CTCFL: variants seen among roughly 807,000 people sequenced by gnomAD.
The protein encoded by CTCFL is CCCTC-binding factor like.
CTCFL carries 36 observed loss-of-function variants against 67.4 expected under a neutral mutation model. The ratio of observed to expected loss-of-function variants is 0.53; its 90% CI spans 0.41 to 0.71. The LOEUF is 0.71. Among genes scored for constraint, CTCFL ranks in the 30% least tolerant of loss-of-function variants. The probability of loss-of-function intolerance (pLI) is 0.00; values close to 1 mark genes in which losing one functional copy is unlikely to be tolerated. For missense variants in CTCFL, 786 were observed against 835.2 expected, an observed-to-expected ratio of 0.94 and a Z score of 0.73; for synonymous variants, 324 against 302.3, an observed-to-expected ratio of 1.07 and a Z score of -0.75.
At chr20:57,516,859 C>G (rs937989404) in intron 5 of CTCFL, among the ~76,000 whole-genome samples, 1 of 152,224 alleles carries the variant, frequency 6.6e-6, no homozygotes, top group African/African-American at 2.4e-5. Flanking sequence ...CCTTCTAGAA[C>G]TATTCTTATT....
intron 1 of CTCFL, 44 bp from the exon 2 acceptor site, chr20:57,524,260 G>A (rs1464109858): frequency 6.4e-7 from 1 of 1,561,748 alleles, no homozygotes; most frequent in Non-Finnish European, 8.6e-7. Context: ...GGGGAGAAGG[G>A]GGTGGTATGA....
At chr20:57,521,477 A>G (rs558636073) in intron 3 of CTCFL, among the ~76,000 whole-genome samples, 4 of 152,360 alleles carry the variant, frequency 2.6e-5, no homozygotes, top group African/African-American at 9.6e-5. Flanking sequence ...TGCAAATTCA[A>G]ATTGGTGCAG....
At position 57,497,693 on chromosome 20, in the gene CTCFL, T is replaced by G. The variant is rs147836166; in HGVS notation, c.*857A>C. ...CTTACAGGTACACATTTGCCTTATC[T>G]GATTTTATGTTTCTTCTCACTCTGC... On this transcript the variant is annotated 3_prime_UTR_variant, in exon 11 of 11. Coordinates refer to ENST00000243914, the MANE Select transcript of CTCFL (RefSeq NM_001386993.1). 977 of 985,412 alleles carry G rather than the reference T, an allele frequency of 9.9e-4. 13 individuals carry two copies. In the African/African-American group the frequency reaches 0.016, roughly 16 times the overall value. The allele number at this position is 985,412 out of a possible 1,614,324, so 61.0% of individuals were successfully genotyped here.
chr20:57,500,334 A>C lies in CTCFL; in HGVS notation c.1841-1633T>G, dbSNP rs115117582. 2,699 of 439,228 alleles carry C rather than the reference A, an allele frequency of 6.1e-3. 66 individuals are homozygous for C. The highest frequency in any genetic ancestry group is 0.051 in the African/African-American group (2,367 of 46,542). The allele number at this position is 439,228 out of a possible 1,614,324, so 27.2% of individuals were successfully genotyped here. On this transcript the variant is annotated intron_variant, in intron 10 of 10. Coordinates refer to ENST00000243914, the MANE Select transcript of CTCFL (RefSeq NM_001386993.1). Reference sequence around the variant, plus strand: ...GCCAGGCGTGGTGGCGGGCATCTGTAATCCCAGCTCCGGAGACTGAGGCAT... The same window carrying C: ...GCCAGGCGTGGTGGCGGGCATCTGTCATCCCAGCTCCGGAGACTGAGGCAT...
chr20:57,505,037 T>C (rs1299765100), intron 9 of CTCFL, among the ~76,000 whole-genome samples: 1 of 151,868 alleles, frequency 6.6e-6, no homozygotes, highest in Non-Finnish European at 1.5e-5. Context: ...TTTGGTTCTA[T>C]AACAAGAGTC....
At chr20:57,507,684 C>A in intron 9 of CTCFL, 1 of 703,010 alleles carries the variant, frequency 1.4e-6, no homozygotes, top group South Asian at 1.5e-5. Flanking sequence ...GGCCCCAGTC[C>A]AGCCTTCGGA....
At chr20:57,514,870 C>T in intron 6 of CTCFL, 129 bp from the exon 7 acceptor site, 1 of 920,500 alleles carries the variant, frequency 1.1e-6, no homozygotes, top group East Asian at 2.5e-5. Flanking sequence ...GGACAACCCC[C>T]AATTAGTATG....
intron 9 of CTCFL, 88 bp downstream of exon 9, chr20:57,508,518 C>T (rs974691556): frequency 2.8e-5 from 36 of 1,266,444 alleles, no homozygotes; most frequent in Admixed American, 1.1e-4. Flanking sequence ...TTTCTATAAT[C>T]GGGTTTAAAC....
chr20:57,499,883 A>T, intron 10 of CTCFL: 1 of 809,540 alleles, frequency 1.2e-6, no homozygotes, highest in Non-Finnish European at 1.5e-6. Context: ...ACAAAGCTTC[A>T]CTCCCTCACC....
At chr20:57,519,950 C>A (rs750426591) in intron 3 of CTCFL, among the ~76,000 whole-genome samples, 6 of 152,176 alleles carry the variant, frequency 3.9e-5, no homozygotes, top group Non-Finnish European at 7.3e-5. Context: ...CTGTTGTAAG[C>A]CACATTTCAA....
At chr20:57,515,965 C>T (rs1391822783) in intron 5 of CTCFL, 131 bp from the exon 6 acceptor site, 1 of 1,072,204 alleles carries the variant, frequency 9.3e-7, no homozygotes, top group Admixed American at 2.7e-5. Flanking sequence ...ATATTTCACT[C>T]ACTGAAAAAA....
chr20:57,515,781 C>T lies in CTCFL; in HGVS notation c.1113G>A (p.Gln371=), dbSNP rs1397732186. Residue 371 remains glutamine (Q), a synonymous_variant, in exon 6 of 11, where the codon CAG becomes CAA. Transcript: ENST00000243914. ...VRSHTGERPF[Q]CCQCSYASRD... ...TGCTGGCATAGCTGCACTGGCAACA[C>T]TGAAAGGGGCGCTCCCCAGTGTGGG... 1 of 1,614,188 alleles carries T rather than the reference C, an allele frequency of 6.2e-7. No individual in the cohort carries two copies. The highest frequency in any genetic ancestry group is 8.5e-7 in the Non-Finnish European group (1 of 1,180,042).
Position 57,512,653 on chromosome 20 carries a change from T to C in CTCFL, c.1430A>G (p.Gln477Arg), listed in dbSNP as rs1323351199. Residue 477 changes from glutamine to arginine, a missense_variant, in exon 8 of 11, where the codon CAG becomes CGG. This residue lies in a region of CTCFL where 254 missense variants were observed against 333.9 expected (regional missense o/e 0.76). Transcript: ENST00000243914. Reference protein sequence around the residue: ...FHERYALIQHQKTHKNEKRFK... With the variant: ...FHERYALIQHRKTHKNEKRFK... Reference sequence around the variant, plus strand: ...CCTCTTCTCATTCTTATGAGTTTTCTGGTGCTGAATGAGGGCATAGCGTTC... The same window carrying C: ...CCTCTTCTCATTCTTATGAGTTTTCCGGTGCTGAATGAGGGCATAGCGTTC... 1 of 1,614,250 alleles carries C rather than the reference T, an allele frequency of 6.2e-7. No individual in the cohort carries two copies. The highest frequency in any genetic ancestry group is 1.3e-5 in the African/African-American group (1 of 75,064).
At position 57,498,444 on chromosome 20, in the gene CTCFL, T is replaced by A. The variant is rs2067760102; in HGVS notation, c.*106A>T. The A allele has an allele frequency of 2.0e-6, 3 of 1,489,818 alleles. No homozygotes were observed. Among genetic ancestry groups the A allele is most frequent in the South Asian group, 2.9e-5 (2 of 68,170 alleles). The allele number at this position is 1,489,818 out of a possible 1,614,324, so 92.3% of individuals were successfully genotyped here. On this transcript the variant is annotated 3_prime_UTR_variant, in exon 11 of 11. Transcript: ENST00000243914. ...GGGCAGTGAACATGCAACCTGACTC[T>A]CTCTCACTTATCCATCGTGTTGAGG...
chr20:57,523,340 T>C (rs916647559), intron 2 of CTCFL, 62 bp from the exon 3 acceptor site: 218 of 1,458,006 alleles, frequency 1.5e-4, no homozygotes, highest in Non-Finnish European at 1.9e-4. Flanking sequence ...GACTTTTGCC[T>C]GGATGAAGCA....
At chr20:57,503,292 C>T in intron 10 of CTCFL, 144 bp downstream of exon 10, 2 of 918,884 alleles carry the variant, frequency 2.2e-6, no homozygotes, top group Non-Finnish European at 3.4e-6. Flanking sequence ...TCTGAGAGAT[C>T]TGGCACAAGC....
chr20:57,512,838 A>G, intron 7 of CTCFL, 86 bp from the exon 8 acceptor site: 1 of 1,333,902 alleles, frequency 7.5e-7, no homozygotes, highest in Non-Finnish European at 1.1e-6. Context: ...GGGGTTTCTC[A>G]GCCTTGGCGC....
intron 3 of CTCFL, among the ~76,000 whole-genome samples, chr20:57,520,558 A>T (rs1309802769): frequency 6.6e-6 from 1 of 152,234 alleles, no homozygotes. Context: ...CTCAGTAAAA[A>T]AGAGAGCTTG....
At chr20:57,519,104 T>A in intron 4 of CTCFL, 103 bp downstream of exon 4, 1 of 1,327,928 alleles carries the variant, frequency 7.5e-7, no homozygotes, top group Non-Finnish European at 1.0e-6. Context: ...AACTAAAGTA[T>A]AAAATGTTAC....
Sources: gnomAD v4.1 joint callset for allele counts (sites outside exome capture counted in the v4.1 genomes callset) on GRCh38, gnomAD v4.1.1 for gene constraint, gnomAD v4.1.1 regional missense constraint, MANE v1.5 for transcripts, NCBI Gene and HGNC (gene_info 2026-07-23, HGNC 2026-07-21) for gene names.